Variants in ZBTB21 observed in about 807,000 individuals in gnomAD.
ZBTB21 encodes the protein zinc finger and BTB domain containing 21.
Under a neutral mutation model 39.8 loss-of-function variants are expected in ZBTB21, and 10 were observed. The ratio of observed to expected loss-of-function variants is 0.25; its 90% CI spans 0.16 to 0.43. The LOEUF (loss-of-function observed/expected upper bound fraction) is 0.43, where lower values mean the gene tolerates loss of function less well. ZBTB21 is among the 20% of genes least tolerant of loss of function. The pLI is 1.00. For synonymous variants in ZBTB21, 551 were observed against 498.8 expected, an observed-to-expected ratio of 1.10 and a Z score of -1.40; for missense variants, 1,221 against 1,296.3, an observed-to-expected ratio of 0.94 and a Z score of 0.89.
At chr21:42,000,317 T>G (rs2065802483) in intron 2 of ZBTB21, among the ~76,000 whole-genome samples, 1 of 152,198 alleles carries the variant, frequency 6.6e-6, no homozygotes, top group African/African-American at 2.4e-5. Flanking sequence ...CGCCTTACTG[T>G]CCCTACTTCC....
rs2065701479 is a variant in ZBTB21 at position 41,993,529 on chromosome 21, T to G, written c.567A>C (p.Pro189=). ...GTGGTTCTATTGGTTTTGGGACATG[T>G]GGCTTATTGGTATTGGCCTTGACTG... The part of the protein sequence containing the change: ...SIAVKANTNK[P]HVPKPIEPLH... The change falls in exon 3 of 3, where the codon CCA becomes CCC. Residue 189 remains proline, a synonymous_variant. Coordinates refer to ENST00000310826, the MANE Select transcript of ZBTB21 (RefSeq NM_001098402.2). 1.2e-6 allele frequency: 2 copies of G among 1,614,128 alleles called. No individual in the cohort carries two copies. The highest frequency in any genetic ancestry group is 2.7e-5 in the African/African-American group (2 of 74,936).
At chr21:41,995,537 G>A (rs2065734803) in intron 2 of ZBTB21, among the ~76,000 whole-genome samples, 1 of 152,230 alleles carries the variant, frequency 6.6e-6, no homozygotes, top group Admixed American at 6.5e-5. Flanking sequence ...GAGGCATTAA[G>A]TTTTATAAGG....
chr21:41,997,901 T>C (rs1228467743), intron 2 of ZBTB21, among the ~76,000 whole-genome samples: 1 of 152,058 alleles, frequency 6.6e-6, no homozygotes, highest in Non-Finnish European at 1.5e-5. Flanking sequence ...TGGGTGTTTC[T>C]GTTAGCCTCT....
Position 41,991,164 on chromosome 21 carries a change from G to A in ZBTB21, c.2932C>T (p.Pro978Ser), listed in dbSNP as rs140576114. The A allele has an allele frequency of 2.5e-6, 4 of 1,614,140 alleles. No homozygotes were observed. The highest frequency in any genetic ancestry group is 3.4e-6 in the Non-Finnish European group (4 of 1,180,032). Reference sequence around the variant, plus strand: ...GGTGGTGGAGAGGGAGAGTTTGTGGGAACAGGGCACACCTCAGATTCCTTA... The same window carrying A: ...GGTGGTGGAGAGGGAGAGTTTGTGGAAACAGGGCACACCTCAGATTCCTTA... ...AHKESEVCPV[P>S]TNSPSPPPLP... The change falls in exon 3 of 3, where the codon CCC becomes TCC. Residue 978 changes from proline to serine, a missense_variant. Transcript: ENST00000310826. This position sits in a 1 kb window ranked among gnomAD's most constrained non-coding sequence, Gnocchi z 4.9.
At chr21:41,999,604 T>C (rs980472132) in intron 2 of ZBTB21, among the ~76,000 whole-genome samples, 17 of 152,348 alleles carry the variant, frequency 1.1e-4, no homozygotes, top group African/African-American at 3.8e-4. Flanking sequence ...CTACCATTTA[T>C]ATAGCACCTA....
intron 1 of ZBTB21, among the ~76,000 whole-genome samples, chr21:42,003,187 G>C (rs556075039): frequency 6.6e-6 from 1 of 152,314 alleles, no homozygotes; most frequent in East Asian, 1.9e-4. Flanking sequence ...GGACAGAAGA[G>C]GCAACATGTT....
rs2065698886 is a variant in ZBTB21 at position 41,993,414 on chromosome 21, C to A, written c.682G>T (p.Asp228Tyr). The A allele has an allele frequency of 1.2e-6, 2 of 1,614,210 alleles. No homozygotes were observed. Among genetic ancestry groups the A allele is most frequent in the East Asian group, 4.5e-5 (2 of 44,882 alleles). The change falls in exon 3 of 3, where the codon GAT (aspartate) becomes TAT (tyrosine). Residue 228 changes from aspartate (D) to tyrosine (Y), a missense_variant. Transcript: ENST00000310826. ...KSLEHSGSLD[D>Y]PNRISLVKRN... Reference sequence around the variant, plus strand: ...TTCACCAAACTGATTCTATTAGGATCATCCAAAGATCCAGAATGCTCAAGA... The same window carrying A: ...TTCACCAAACTGATTCTATTAGGATAATCCAAAGATCCAGAATGCTCAAGA...
rs2065711940 is a variant in ZBTB21, at chr21:41,994,000, C to T, written c.96G>A (p.Val32=). The part of the protein sequence containing the change: ...EERLKGQLCD[V]LLIVGDQKFR... ...ACTTTTGGTCTCCAACAATCAGCAG[C>T]ACATCACACAGCTGTCCTTTGAGAC... The change falls in exon 3 of 3, where the codon GTG becomes GTA. Residue 32 remains valine, a synonymous_variant. Coordinates refer to ENST00000310826, the MANE Select transcript of ZBTB21 (RefSeq NM_001098402.2). 1 of 1,614,136 alleles carries T rather than the reference C, an allele frequency of 6.2e-7. No homozygotes were observed. The highest frequency in any genetic ancestry group is 8.5e-7 in the Non-Finnish European group (1 of 1,180,056).
Position 41,991,144 on chromosome 21 carries a change from TGGAGAG to T in ZBTB21, c.2946_2951del (p.Ser983_Pro984del). 1 of 1,613,614 alleles carries T rather than the reference TGGAGAG, an allele frequency of 6.2e-7. No individual in the cohort carries two copies. The highest frequency in any genetic ancestry group is 8.5e-7 in the Non-Finnish European group (1 of 1,179,852). ...GTGGTGGTGGCGGTGGCAGAGGTGG[TGGAGAG>T]GGAGAGTTTGTGGGAACAGGGCACA... On this transcript the variant is annotated inframe_deletion, in exon 3 of 3. Transcript: ENST00000310826. The surrounding 1 kb of genome is among the most constrained non-coding windows in gnomAD (Gnocchi z 4.9).
intron 1 of ZBTB21, among the ~76,000 whole-genome samples, chr21:42,008,760 A>G (rs2065916206): frequency 6.6e-6 from 1 of 152,108 alleles, no homozygotes; most frequent in South Asian, 2.1e-4. Flanking sequence ...GAAGCACATT[A>G]TACTTTCAAT....
chr21:41,991,757 C>A lies in ZBTB21; in HGVS notation c.2339G>T (p.Cys780Phe). Residue 780 changes from cysteine (C) to phenylalanine (F), a missense_variant, in exon 3 of 3, where the codon TGC (cysteine) becomes TTC (phenylalanine). This residue lies in a region of ZBTB21 where 523 missense variants were observed against 542.5 expected (regional missense o/e 0.96). Coordinates refer to ENST00000310826, the MANE Select transcript of ZBTB21 (RefSeq NM_001098402.2). This position sits in a 1 kb window ranked among gnomAD's most constrained non-coding sequence, Gnocchi z 4.9. ...GAAAGAGGACTTGAAGGTGCGCATGCACTCGAGGCAGGTCAGCTTCTTATA... is the reference window on the plus strand; with the variant it reads ...GAAAGAGGACTTGAAGGTGCGCATGAACTCGAGGCAGGTCAGCTTCTTATA... ...CEYKKLTCLE[C>F]MRTFKSSFSI... 6.2e-7 allele frequency: 1 copy of A among 1,614,198 alleles called. No homozygotes were observed. The highest frequency in any genetic ancestry group is 1.1e-5 in the South Asian group (1 of 91,086).
chr21:41,987,785 C>G lies in ZBTB21; in HGVS notation c.*3110G>C, dbSNP rs367544155. The stretch of plus-strand genomic sequence containing the variant: ...ACTTTAGATCTGTTAATTCTTCCAT[C>G]TCTCCCTCACCCTGATCAGAGAGTT... On this transcript the variant is annotated 3_prime_UTR_variant, in exon 3 of 3. Coordinates refer to ENST00000310826, the MANE Select transcript of ZBTB21 (RefSeq NM_001098402.2). 3 of 152,182 alleles carry G rather than the reference C, an allele frequency of 2.0e-5. No individual in the cohort carries two copies. The highest frequency in any genetic ancestry group is 7.2e-5 in the African/African-American group (3 of 41,450). 9.4% of individuals were successfully genotyped at this position (152,182 alleles called of 1,614,324 possible). A position where few individuals can be genotyped will look rare whatever the true frequency, so the allele number is the denominator to read the frequency against.
intron 2 of ZBTB21, among the ~76,000 whole-genome samples, chr21:41,998,649 G>A (rs1266665969): frequency 1.3e-5 from 2 of 152,116 alleles, no homozygotes; most frequent in African/African-American, 4.8e-5. Context: ...TCATTTGTAG[G>A]TTCTCTTCTG....
chr21:41,990,791 C>A lies in ZBTB21; in HGVS notation c.*104G>T. ...TAATTTCAAGCGTAACAATCTCCAA[C>A]CTTTATTATTCTTGTTTAAAAAATA... On this transcript the variant is annotated 3_prime_UTR_variant, in exon 3 of 3. Transcript: ENST00000310826. 5.2e-6 allele frequency: 6 copies of A among 1,164,934 alleles called. No homozygotes were observed. Among genetic ancestry groups the A allele is most frequent in the Non-Finnish European group, 5.7e-6 (5 of 876,898 alleles). 72.2% of individuals were successfully genotyped at this position (1,164,934 alleles called of 1,614,324 possible). A position where few individuals can be genotyped will look rare whatever the true frequency, so the allele number is the denominator to read the frequency against.
rs762818141 is a variant in ZBTB21 at position 41,992,834 on chromosome 21, GCTCC to G, written c.1258_1261del (p.Gly420LeufsTer4). ...TATGCGCACCTCAGTCACAGGGGAA[GCTCC>G]CTCCCTGTCTGTTGACTGAGAAGCA... On this transcript the variant is annotated frameshift_variant, in exon 3 of 3. Coordinates refer to ENST00000310826, the MANE Select transcript of ZBTB21 (RefSeq NM_001098402.2). LOFTEE classifies it high-confidence loss of function. The surrounding 1 kb of genome is among the most constrained non-coding windows in gnomAD (Gnocchi z 4.1). 3 of 1,614,054 alleles carry G rather than the reference GCTCC, an allele frequency of 1.9e-6. No homozygotes were observed. Among genetic ancestry groups the G allele is most frequent in the Non-Finnish European group, 1.7e-6 (2 of 1,180,052 alleles).
chr21:41,996,243 A>C (rs749285225), intron 2 of ZBTB21, among the ~76,000 whole-genome samples: 2 of 152,224 alleles, frequency 1.3e-5, no homozygotes, highest in Admixed American at 6.5e-5. Flanking sequence ...CAAAACTCAC[A>C]GACACTCAAT....
chr21:41,990,740 A>C lies in ZBTB21; in HGVS notation c.*155T>G. On this transcript the variant is annotated 3_prime_UTR_variant, in exon 3 of 3. Transcript: ENST00000310826. ...TATTTCTAAAGTTAAGGACATTACT[A>C]AGTAATTATCAATTTGCCTCCAACT... The C allele has an allele frequency of 3.0e-6, 2 of 661,494 alleles. No individual in the cohort carries two copies. Among genetic ancestry groups the C allele is most frequent in the Non-Finnish European group, 4.6e-6 (2 of 432,744 alleles). 41.0% of individuals were successfully genotyped at this position (661,494 alleles called of 1,614,324 possible). A position where few individuals can be genotyped will look rare whatever the true frequency, so the allele number is the denominator to read the frequency against.
rs1404275946 is a variant in ZBTB21 at position 41,992,851 on chromosome 21, T to C, written c.1245A>G (p.Ser415=). 3 of 1,614,208 alleles carry C rather than the reference T, an allele frequency of 1.9e-6. No individual in the cohort carries two copies. Among genetic ancestry groups the C allele is most frequent in the Non-Finnish European group, 2.5e-6 (3 of 1,180,042 alleles). ...HRLRSFSASQ[S]TDREGASPVT... is the part of the protein sequence containing the mutation. ...CAGGGGAAGCTCCCTCCCTGTCTGT[T>C]GACTGAGAAGCACTAAAGGACCTGA... Residue 415 remains serine, a synonymous_variant, in exon 3 of 3, where the codon TCA becomes TCG. Coordinates refer to ENST00000310826, the MANE Select transcript of ZBTB21 (RefSeq NM_001098402.2). This position sits in a 1 kb window ranked among gnomAD's most constrained non-coding sequence, Gnocchi z 4.1.
chr21:42,002,269 T>C (rs2065826938), intron 2 of ZBTB21: 2 of 152,204 alleles, frequency 1.3e-5, no homozygotes, highest in Admixed American at 6.5e-5. Context: ...TACCCTTTCC[T>C]AGTCTGGCTG....
Sources: gnomAD v4.1 joint callset for allele counts (sites outside exome capture counted in the v4.1 genomes callset) on GRCh38, gnomAD v4.1.1 for gene constraint, gnomAD v4.1.1 regional missense constraint, Gnocchi (gnomAD v3.1) non-coding constraint, MANE v1.5 for transcripts, NCBI Gene and HGNC (gene_info 2026-07-23, HGNC 2026-07-21) for gene names.